SLC43A2: variants seen among roughly 807,000 people sequenced by gnomAD.
SLC43A2 encodes large neutral amino acids transporter small subunit 4.
SLC43A2 carries 38 observed loss-of-function variants against 63.2 expected under a neutral mutation model. The observed-to-expected ratio is 0.60, with a 90% CI of 0.46 to 0.79. The LOEUF (loss-of-function observed/expected upper bound fraction) is 0.79, where lower values mean the gene tolerates loss of function less well. Among genes scored for constraint, SLC43A2 ranks in the 30% least tolerant of loss-of-function variants. The pLI is 0.00. For missense variants in SLC43A2, 644 were observed against 756.2 expected, an observed-to-expected ratio of 0.85 and a Z score of 1.74; for synonymous variants, 322 against 331.0, an observed-to-expected ratio of 0.97 and a Z score of 0.30.
Position 1,586,004 on chromosome 17 carries a change from G to A in SLC43A2, c.1126C>T (p.Leu376=), listed in dbSNP as rs1280357622. Residue 376 remains leucine (L), a synonymous_variant, in exon 10 of 14, where the codon CTG becomes TTG. Coordinates refer to ENST00000301335, the MANE Select transcript of SLC43A2 (RefSeq NM_152346.3). ...IFGVLQLLCL[L]TAPVIGYIMD... is the part of the protein sequence containing the mutation. ...ATGTAGCCAATGACGGGGGCCGTCA[G>A]CAGGCACAGCAGCTGGAGCACGCCG... 2 of 1,611,754 alleles carry A rather than the reference G, an allele frequency of 1.2e-6. No homozygotes were observed. The highest frequency in any genetic ancestry group is 2.2e-5 in the East Asian group (1 of 44,848).
intron 4 of SLC43A2, among the ~76,000 whole-genome samples, chr17:1,613,652 G>C (rs1462570865): frequency 6.6e-6 from 1 of 152,090 alleles, no homozygotes; most frequent in Admixed American, 6.5e-5. Context: ...GGCCAGGCTG[G>C]TCTCGAACTC....
chr17:1,577,116 G>A lies in SLC43A2; in HGVS notation c.1425-396C>T, dbSNP rs559417118. 1.6e-3 allele frequency among the ~76,000 whole-genome samples: 238 copies of A among 152,162 alleles called. No individual in the cohort carries two copies. The highest frequency in any genetic ancestry group is 3.4e-3 in the Middle Eastern group (1 of 294). On this transcript the variant is annotated intron_variant, in intron 12 of 13. Transcript: ENST00000301335. The surrounding 1 kb of genome is among the most constrained non-coding windows in gnomAD (Gnocchi z 4.9). ...CCTGACCTTGTGATCTGCCTGCCTC[G>A]GCCTCCCAAAGTTCTGGGATTACAG...
At chr17:1,617,434 A>C (rs1048448148) in intron 2 of SLC43A2, among the ~76,000 whole-genome samples, 1 of 151,588 alleles carries the variant, frequency 6.6e-6, no homozygotes, top group Non-Finnish European at 1.5e-5. Context: ...TCTGTTGCCC[A>C]GGCTGGAGTG....
chr17:1,581,760 C>CA lies in SLC43A2; in HGVS notation c.1350+1443dup, dbSNP rs551111773. ...GGGCCACCTTACTCAAAATCTCTGT[C>CA]AAAAATCAGGTTCCAGAAGCCTCAA... On this transcript the variant is annotated intron_variant, in intron 11 of 13. Transcript: ENST00000301335. Among the ~76,000 whole-genome samples, 34 of 151,722 alleles carry CA rather than the reference C, an allele frequency of 2.2e-4. No individual in the cohort carries two copies. In the South Asian group the frequency reaches 2.9e-3, roughly 13 times the overall value.
intron 10 of SLC43A2, 142 bp downstream of exon 10, chr17:1,585,771 A>C (rs1454459656): frequency 6.3e-7 from 1 of 1,594,980 alleles, no homozygotes; most frequent in African/African-American, 1.3e-5. Context: ...TGAATGAGTG[A>C]GTCTCTCTAA....
intron 5 of SLC43A2, among the ~76,000 whole-genome samples, chr17:1,599,561 C>A (rs143248942): frequency 6.7e-6 from 1 of 149,588 alleles, no homozygotes; most frequent in Non-Finnish European, 1.5e-5. Flanking sequence ...ATTAGCTGGG[C>A]GTGGTGGCAG....
At position 1,570,518 on chromosome 17, in the gene SLC43A2, G is replaced by T. The variant is rs1331676122; in HGVS notation, c.*5086C>A. On this transcript the variant is annotated 3_prime_UTR_variant, in exon 14 of 14. Transcript: ENST00000301335. Reference sequence around the variant, plus strand: ...TTTTTTTTTTTTGAGACGGAGTCTCGCTCTGTCGCCCAGGCTGGAGTGCAG... The same window carrying T: ...TTTTTTTTTTTTGAGACGGAGTCTCTCTCTGTCGCCCAGGCTGGAGTGCAG... The T allele has an allele frequency of 7.1e-6, 1 of 141,146 alleles. No homozygotes were observed. The highest frequency in any genetic ancestry group is 7.3e-5 in the Admixed American group (1 of 13,730). 8.7% of individuals were successfully genotyped at this position (141,146 alleles called of 1,614,324 possible). A position where few individuals can be genotyped will look rare whatever the true frequency, so the allele number is the denominator to read the frequency against.
rs1908499837 is a variant in SLC43A2, at chr17:1,624,712, G to A, written c.160+3003C>T. Among the ~76,000 whole-genome samples, 11 of 151,974 alleles carry A rather than the reference G, an allele frequency of 7.2e-5. No homozygotes were observed. In the South Asian group the frequency reaches 1.7e-3, roughly 23 times the overall value. ...TTGAGACCAGCCTAGGCAACATGGCGAGACCCTGTCTCTACAAAAAATACA... is the reference window on the plus strand; with the variant it reads ...TTGAGACCAGCCTAGGCAACATGGCAAGACCCTGTCTCTACAAAAAATACA... On this transcript the variant is annotated intron_variant, in intron 2 of 13. Coordinates refer to ENST00000301335, the MANE Select transcript of SLC43A2 (RefSeq NM_152346.3).
At chr17:1,592,872 G>A (rs1904948794) in intron 6 of SLC43A2, among the ~76,000 whole-genome samples, 1 of 152,194 alleles carries the variant, frequency 6.6e-6, no homozygotes, top group African/African-American at 2.4e-5. Context: ...GGAGCAGCGG[G>A]AGACCAGGAT....
At chr17:1,621,371 C>T (rs540584754) in intron 2 of SLC43A2, among the ~76,000 whole-genome samples, 25 of 152,270 alleles carry the variant, frequency 1.6e-4, no homozygotes, top group African/African-American at 6.0e-4. Context: ...CTTTCCGAGC[C>T]CCCCCTCCAG....
intron 9 of SLC43A2, among the ~76,000 whole-genome samples, chr17:1,588,419 T>C (rs1432958807): frequency 8.0e-5 from 12 of 150,896 alleles, no homozygotes. Flanking sequence ...GGCTGGGCAT[T>C]GTGGCTCATG....
chr17:1,627,654 C>CCCCCCCCCCCCCCAAA, intron 2 of SLC43A2, 61 bp downstream of exon 2: 4 of 346,672 alleles, frequency 1.2e-5, no homozygotes, highest in East Asian at 1.5e-4. Context: ...TCGCCCCCAT[C>CCCCCCCCCCCCCCAAA]CCGCCCCCTC....
intron 5 of SLC43A2, among the ~76,000 whole-genome samples, chr17:1,609,335 G>C (rs757847143): frequency 4.6e-5 from 7 of 152,118 alleles, no homozygotes; most frequent in Non-Finnish European, 1.0e-4. Flanking sequence ...CCAAGTAGCT[G>C]GGATTACAGG....
At chr17:1,622,301 C>T (rs900363398) in intron 2 of SLC43A2, among the ~76,000 whole-genome samples, 21 of 152,252 alleles carry the variant, frequency 1.4e-4, no homozygotes, top group African/African-American at 4.6e-4. Context: ...CGGTGGCTCA[C>T]GCCTGTAATC....
chr17:1,597,156 T>C (rs1181316319), intron 5 of SLC43A2, among the ~76,000 whole-genome samples: 1 of 148,608 alleles, frequency 6.7e-6, no homozygotes, highest in Non-Finnish European at 1.5e-5. Context: ...GGGGTTGCAG[T>C]GAGCCGAGAT....
rs933303776 is a variant in SLC43A2 at position 1,570,471 on chromosome 17, A to T, written c.*5133T>A. 2.5e-4 allele frequency: 38 copies of T among 152,138 alleles called. No homozygotes were observed. Among genetic ancestry groups the T allele is most frequent in the African/African-American group, 8.9e-4 (37 of 41,366 alleles). 9.4% of individuals were successfully genotyped at this position (152,138 alleles called of 1,614,324 possible). On this transcript the variant is annotated 3_prime_UTR_variant, in exon 14 of 14. Coordinates refer to ENST00000301335, the MANE Select transcript of SLC43A2 (RefSeq NM_152346.3). ...CAGCTGCCTTCTTCCTGGGCACTGAAAACGATGCTACCATTGTTTTTTTTT... is the reference window on the plus strand; with the variant it reads ...CAGCTGCCTTCTTCCTGGGCACTGATAACGATGCTACCATTGTTTTTTTTT...
chr17:1,580,703 A>C (rs948331080), intron 11 of SLC43A2, among the ~76,000 whole-genome samples: 13 of 149,322 alleles, frequency 8.7e-5, no homozygotes, highest in Non-Finnish European at 1.6e-4. Flanking sequence ...CTGGGATTAC[A>C]GGCATGTGCC....
chr17:1,599,020 A>T (rs1905615312), intron 5 of SLC43A2, among the ~76,000 whole-genome samples: 1 of 152,172 alleles, frequency 6.6e-6, no homozygotes, highest in African/African-American at 2.4e-5. Flanking sequence ...CAACACTGAC[A>T]TCTTGTATTT....
Position 1,577,541 on chromosome 17 carries a change from G to A in SLC43A2, c.1424+709C>T, listed in dbSNP as rs1007200217. On this transcript the variant is annotated intron_variant, in intron 12 of 13. Transcript: ENST00000301335. The surrounding 1 kb of genome is among the most constrained non-coding windows in gnomAD (Gnocchi z 4.9). Reference sequence around the variant, plus strand: ...GTTGCGGGAATTGGGAGAGAGTTCCGGGCTAAATCTTAGCACATGTCAGGC... The same window carrying A: ...GTTGCGGGAATTGGGAGAGAGTTCCAGGCTAAATCTTAGCACATGTCAGGC... 2.2e-4 allele frequency among the ~76,000 whole-genome samples: 34 copies of A among 152,248 alleles called. No individual in the cohort carries two copies. Among genetic ancestry groups the A allele is most frequent in the Middle Eastern group, 3.4e-3 (1 of 294 alleles).
Sources: allele counts gnomAD v4.1 joint callset (sites outside exome capture counted in the v4.1 genomes callset), GRCh38; gene constraint gnomAD v4.1.1; non-coding constraint Gnocchi (gnomAD v3.1); transcripts MANE v1.5; gene names NCBI Gene and HGNC (gene_info 2026-07-23, HGNC 2026-07-21).